Variants in PDPN observed in about 807,000 individuals in gnomAD.
PDPN encodes podoplanin, also known as PA2.26 antigen.
Under a neutral mutation model 23.2 loss-of-function variants are expected in PDPN, and 12 were observed. The observed-to-expected ratio is 0.52, with a 90% CI of 0.33 to 0.84. The LOEUF is 0.84. Among genes scored for constraint, PDPN ranks in the 40% least tolerant of loss-of-function variants. The pLI is 0.02. For missense variants in PDPN, 199 were observed against 212.2 expected, an observed-to-expected ratio of 0.94 and a Z score of 0.39; for synonymous variants, 77 against 76.7, an observed-to-expected ratio of 1.00 and a Z score of -0.02.
intron 5 of PDPN, among the ~76,000 whole-genome samples, chr1:13,615,061 G>T (rs573550131): frequency 1.3e-4 from 20 of 152,232 alleles, no homozygotes; most frequent in African/African-American, 4.8e-4. Context: ...CTAGAAAACC[G>T]CCTGTCACAG....
At chr1:13,603,682 G>C (rs911722332) in intron 1 of PDPN, among the ~76,000 whole-genome samples, 1 of 150,702 alleles carries the variant, frequency 6.6e-6, no homozygotes, top group Middle Eastern at 3.4e-3. Flanking sequence ...TCCGCCCCCC[G>C]AGTTCAAGTG....
In PDPN at chr1:13,615,891, C is replaced by T; in HGVS notation, c.483-14C>T. On this transcript the variant is annotated splice_polypyrimidine_tract_variant and intron_variant, in intron 5 of 5. Coordinates refer to ENST00000621990, the MANE Select transcript of PDPN (RefSeq NM_006474.5). ...AGTAAGAGACACGACCGTCACCCTTCTCTATTTTCACAGGCCCTAAAGAGC... is the reference window on the plus strand; with the variant it reads ...AGTAAGAGACACGACCGTCACCCTTTTCTATTTTCACAGGCCCTAAAGAGC... 6.2e-7 allele frequency: 1 copy of T among 1,612,478 alleles called. No individual in the cohort carries two copies. Among genetic ancestry groups the T allele is most frequent in the Non-Finnish European group, 8.5e-7 (1 of 1,178,526 alleles).
In PDPN at chr1:13,583,917, G is replaced by C; in HGVS notation, c.-117G>C. 1 of 1,611,770 alleles carries C rather than the reference G, an allele frequency of 6.2e-7. No homozygotes were observed. The highest frequency in any genetic ancestry group is 8.5e-7 in the Non-Finnish European group (1 of 1,178,822). ...CGGGGCTCCTGCTCCCACCCCTCCG[G>C]CCCCCCCACCGTCGCGCTCCTCCAG... On this transcript the variant is annotated 5_prime_UTR_variant, in exon 1 of 6. Coordinates refer to ENST00000621990, the MANE Select transcript of PDPN (RefSeq NM_006474.5).
chr1:13,583,982 G>T lies in PDPN; in HGVS notation c.-52G>T. The T allele has an allele frequency of 4.3e-6, 7 of 1,613,712 alleles. No individual in the cohort carries two copies. Among genetic ancestry groups the T allele is most frequent in the Non-Finnish European group, 5.9e-6 (7 of 1,180,018 alleles). On this transcript the variant is annotated 5_prime_UTR_variant, in exon 1 of 6. Coordinates refer to ENST00000621990, the MANE Select transcript of PDPN (RefSeq NM_006474.5). ...CGCGGTGCTTTTTAATTTTCCCCCA[G>T]CTCAGAATCTTGCTGCTCGGCCCCC...
intron 1 of PDPN, among the ~76,000 whole-genome samples, chr1:13,590,776 G>A (rs1278587005): frequency 6.7e-6 from 1 of 149,968 alleles, no homozygotes. Context: ...AATGGGAGTG[G>A]CCCATGAATG....
At chr1:13,584,859 G>T (rs953077292) in intron 1 of PDPN, among the ~76,000 whole-genome samples, 2 of 152,302 alleles carry the variant, frequency 1.3e-5, no homozygotes, top group Admixed American at 1.3e-4. Context: ...CCATGTTGGG[G>T]TGGGGGCGTC....
chr1:13,610,244 C>A lies in PDPN; in HGVS notation c.202-143C>A, dbSNP rs936150935. On this transcript the variant is annotated intron_variant, in intron 2 of 5. Coordinates refer to ENST00000621990, the MANE Select transcript of PDPN (RefSeq NM_006474.5). ...ACCGTCTCTTCAAGATCTAATTGTTCTGTTCATTTTCTTCTACTTGCAATT... is the reference window on the plus strand; with the variant it reads ...ACCGTCTCTTCAAGATCTAATTGTTATGTTCATTTTCTTCTACTTGCAATT... The A allele has an allele frequency of 7.4e-5, 47 of 635,062 alleles. 1 individual carries two copies. In the African/African-American group the frequency reaches 8.2e-4, roughly 11 times the overall value. 39.3% of individuals were successfully genotyped at this position (635,062 alleles called of 1,614,324 possible).
intron 1 of PDPN, among the ~76,000 whole-genome samples, chr1:13,605,024 A>G: frequency 6.6e-6 from 1 of 152,214 alleles, no homozygotes; most frequent in Middle Eastern, 3.2e-3. Flanking sequence ...ATCCAAAGCC[A>G]TCTCTACTGG....
At chr1:13,591,045 G>C in intron 1 of PDPN, among the ~76,000 whole-genome samples, 1 of 151,970 alleles carries the variant, frequency 6.6e-6, no homozygotes, top group East Asian at 1.9e-4. Flanking sequence ...GGGTTCAAGC[G>C]ATTCTCCTGC....
upstream of PDPN, chr1:13,583,773 G>A (rs1348762650): frequency 6.6e-7 from 1 of 1,507,442 alleles, no homozygotes; most frequent in Non-Finnish European, 8.9e-7. Flanking sequence ...CCTTGCGGCC[G>A]ACCCCGCTCC....
In PDPN at chr1:13,613,716, G is replaced by A. The variant is rs1284601082; in HGVS notation, c.361G>A (p.Val121Ile). ...AGTGGATGGAGACACACAGACAACA[G>A]TTGAGAAAGGTAGGCTAGATTTTGG... ...EKVDGDTQTT[V>I]EKDGLSTVTL... Residue 121 changes from valine (V) to isoleucine (I), a missense_variant, in exon 4 of 6, where the codon GTT becomes ATT. Physicochemically the swap from Val to Ile is conservative, Grantham distance 29. Transcript: ENST00000621990. 1 of 1,502,096 alleles carries A rather than the reference G, an allele frequency of 6.7e-7. No homozygotes were observed. The highest frequency in any genetic ancestry group is 1.7e-5 in the Admixed American group (1 of 59,532). 93.0% of individuals were successfully genotyped at this position (1,502,096 alleles called of 1,614,324 possible).
intron 1 of PDPN, among the ~76,000 whole-genome samples, chr1:13,593,281 G>A (rs116941619): frequency 1.3e-5 from 2 of 152,238 alleles, no homozygotes; most frequent in East Asian, 1.9e-4. Flanking sequence ...GTATTTATAC[G>A]CCCGGCTTTA....
At chr1:13,606,033 C>T (rs1256622083) in intron 1 of PDPN, among the ~76,000 whole-genome samples, 2 of 151,110 alleles carry the variant, frequency 1.3e-5, no homozygotes, top group Admixed American at 6.6e-5. Context: ...GATTGGGTTT[C>T]GGCTGGAGTG....
intron 1 of PDPN, among the ~76,000 whole-genome samples, chr1:13,595,500 G>C (rs1007617836): frequency 3.3e-5 from 5 of 152,188 alleles, no homozygotes; most frequent in Admixed American, 3.3e-4. Flanking sequence ...TGTGCAGACT[G>C]CCTCCCAGTT....
intron 1 of PDPN, among the ~76,000 whole-genome samples, chr1:13,605,892 G>A (rs77713630): frequency 0.063 from 9,578 of 152,052 alleles, 376 homozygotes; most frequent in Admixed American, 0.12. Context: ...AAGTGCTGGG[G>A]TTACAGGCGT....
intron 1 of PDPN, among the ~76,000 whole-genome samples, chr1:13,600,276 G>C (rs1640609761): frequency 6.6e-6 from 1 of 152,164 alleles, no homozygotes; most frequent in Non-Finnish European, 1.5e-5. Flanking sequence ...ATGCACAGCT[G>C]CTTTTTAGTT....
chr1:13,591,814 C>G (rs1372900076), intron 1 of PDPN, among the ~76,000 whole-genome samples: 1 of 152,244 alleles, frequency 6.6e-6, no homozygotes, highest in Admixed American at 6.5e-5. Flanking sequence ...CCTGCTTCAG[C>G]CTCCCAAATA....
At chr1:13,598,838 A>T (rs1640563759) in intron 1 of PDPN, among the ~76,000 whole-genome samples, 1 of 152,078 alleles carries the variant, frequency 6.6e-6, no homozygotes, top group Non-Finnish European at 1.5e-5. Context: ...TGTGCCAGGG[A>T]TTTCAGACAT....
In PDPN at chr1:13,617,265, C is replaced by G. The variant is rs969880333; in HGVS notation, c.*1354C>G. ...TCTAAATTTGTAAGCATTCATAAAA[C>G]AGGAAAAAGTAAACTATCATTCGGA... On this transcript the variant is annotated 3_prime_UTR_variant, in exon 6 of 6. Transcript: ENST00000621990. 1 of 151,542 alleles carries G rather than the reference C, an allele frequency of 6.6e-6. No homozygotes were observed. Among genetic ancestry groups the G allele is most frequent in the African/African-American group, 2.4e-5 (1 of 41,178 alleles). 9.4% of individuals were successfully genotyped at this position (151,542 alleles called of 1,614,324 possible).
Sources: allele counts gnomAD v4.1 joint callset (sites outside exome capture counted in the v4.1 genomes callset), GRCh38; gene constraint gnomAD v4.1.1; transcripts MANE v1.5; gene names NCBI Gene and HGNC (gene_info 2026-07-23, HGNC 2026-07-21).